Variants in SEMA6D observed in about 807,000 individuals in gnomAD.
SEMA6D encodes the protein semaphorin 6D.
A neutral mutation model predicts 106.6 loss-of-function variants in SEMA6D; 35 were observed. That is an observed-to-expected ratio of 0.33 (90% CI 0.25 to 0.44). SEMA6D has a LOEUF of 0.44. Ranked by LOEUF, SEMA6D falls within the 20% of genes least tolerant of loss-of-function variation. SEMA6D has a pLI of 1.00. For synonymous variants in SEMA6D, 499 were observed against 487.7 expected, an observed-to-expected ratio of 1.02 and a Z score of -0.31; for missense variants, 1,185 against 1,345.9, an observed-to-expected ratio of 0.88 and a Z score of 1.87.
At chr15:47,441,911 C>G (rs2041894973) in intron 2 of SEMA6D, among the ~76,000 whole-genome samples, 1 of 151,892 alleles carries the variant, frequency 6.6e-6, no homozygotes, top group Non-Finnish European at 1.5e-5. Flanking sequence ...CCTCAAATTC[C>G]TTAGTTCATT....
At chr15:47,249,225 C>G (rs754025122) in intron 1 of SEMA6D, among the ~76,000 whole-genome samples, 1 of 152,072 alleles carries the variant, frequency 6.6e-6, no homozygotes, top group Non-Finnish European at 1.5e-5. Flanking sequence ...GAGACTCCGT[C>G]TCAAAAACAA....
intron 3 of SEMA6D, among the ~76,000 whole-genome samples, chr15:47,491,584 C>T (rs2043478282): frequency 6.6e-6 from 1 of 152,052 alleles, no homozygotes; most frequent in Admixed American, 6.6e-5. Flanking sequence ...GCAAGGTGCT[C>T]ATTAATGTAA....
chr15:47,769,173 A>T (rs538807112), intron 18 of SEMA6D, among the ~76,000 whole-genome samples: 65 of 152,328 alleles, frequency 4.3e-4, no homozygotes, highest in African/African-American at 1.5e-3. Context: ...TCTGAAAAGG[A>T]TATGTGAGAT....
chr15:47,614,404 T>C (rs1304621846), intron 4 of SEMA6D, among the ~76,000 whole-genome samples: 1 of 152,234 alleles, frequency 6.6e-6, no homozygotes, highest in Non-Finnish European at 1.5e-5. Context: ...TTGTATCAAG[T>C]GCCAAACTCC....
intron 4 of SEMA6D, among the ~76,000 whole-genome samples, chr15:47,603,705 C>A (rs1435757): frequency 0.42 from 63,102 of 150,588 alleles, 14,781 homozygotes; most frequent in South Asian, 0.53. Flanking sequence ...AATTATTATT[C>A]TTATTAAGTC....
intron 8 of SEMA6D, among the ~76,000 whole-genome samples, chr15:47,762,813 G>A (rs901700502): frequency 6.6e-6 from 1 of 152,144 alleles, no homozygotes; most frequent in Non-Finnish European, 1.5e-5. Context: ...TCTTTTTACA[G>A]TCCATTAGCT....
intron 3 of SEMA6D, among the ~76,000 whole-genome samples, chr15:47,535,768 G>A (rs1370736363): frequency 2.6e-5 from 4 of 151,974 alleles, no homozygotes; most frequent in Non-Finnish European, 4.4e-5. Flanking sequence ...TGAGAGATGC[G>A]GGCAGGGAAA....
rs1312132355 is a variant in SEMA6D, at chr15:47,445,537, A to G, written c.-158-24937A>G. On this transcript the variant is annotated intron_variant, in intron 2 of 19. Coordinates refer to the SEMA6D transcript ENST00000558014. Reference sequence around the variant, plus strand: ...TACCTACATCTGTTTCACACTGATAATTATGGTGTATATCAGTTTGAACTC... The same window carrying G: ...TACCTACATCTGTTTCACACTGATAGTTATGGTGTATATCAGTTTGAACTC... Among the ~76,000 whole-genome samples, 5 of 152,170 alleles carry G rather than the reference A, an allele frequency of 3.3e-5. No homozygotes were observed. The East Asian group carries it at 5.8e-4, about 18-fold the overall frequency.
At chr15:47,418,692 G>T (rs1223461520) in intron 2 of SEMA6D, among the ~76,000 whole-genome samples, 1 of 151,994 alleles carries the variant, frequency 6.6e-6, no homozygotes, top group Non-Finnish European at 1.5e-5. Context: ...AGAAACTCAG[G>T]GTGGGTAGGG....
chr15:47,567,658 T>C (rs990163727), intron 3 of SEMA6D, among the ~76,000 whole-genome samples: 10 of 152,186 alleles, frequency 6.6e-5, no homozygotes, highest in African/African-American at 2.2e-4. Flanking sequence ...TCCTTCAATT[T>C]GTATTTCCTT....
At chr15:47,413,948 T>G (rs1595936745) in intron 2 of SEMA6D, among the ~76,000 whole-genome samples, 1 of 152,348 alleles carries the variant, frequency 6.6e-6, no homozygotes, top group Non-Finnish European at 1.5e-5. Context: ...ATTTTGGAAA[T>G]TCAGCATTCA....
chr15:47,759,781 A>T lies in SEMA6D; in HGVS notation c.-18A>T, dbSNP rs1423909740. On this transcript the variant is annotated 5_prime_UTR_variant, in exon 2 of 19. Coordinates refer to ENST00000536845, the MANE Select transcript of SEMA6D (RefSeq NM_001358351.3). The stretch of plus-strand genomic sequence containing the variant: ...GCATTTCTGAGCAGGGGCCACCCTG[A>T]CTTCACCTTGGCCCACCATGAGGGT... The T allele has an allele frequency of 6.2e-7, 1 of 1,601,652 alleles. No individual in the cohort carries two copies. Among genetic ancestry groups the T allele is most frequent in the Non-Finnish European group, 8.6e-7 (1 of 1,168,886 alleles).
chr15:47,423,928 G>A (rs1299729877), intron 2 of SEMA6D, among the ~76,000 whole-genome samples: 2 of 152,000 alleles, frequency 1.3e-5, no homozygotes, highest in South Asian at 2.1e-4. Context: ...AGTTACCATT[G>A]CAACCAGGCA....
intron 3 of SEMA6D, among the ~76,000 whole-genome samples, chr15:47,511,521 C>T (rs749474388): frequency 6.6e-5 from 10 of 152,104 alleles, no homozygotes; most frequent in Non-Finnish European, 1.2e-4. Flanking sequence ...TACCCCCCTC[C>T]TGCCACATGT....
At chr15:47,452,244 T>C (rs2042215801) in intron 2 of SEMA6D, among the ~76,000 whole-genome samples, 1 of 151,832 alleles carries the variant, frequency 6.6e-6, no homozygotes, top group African/African-American at 2.4e-5. Context: ...AAGGAGCTCT[T>C]CAGTGTCCAT....
At chr15:47,590,671 GAC>G (rs890487056) in intron 3 of SEMA6D, among the ~76,000 whole-genome samples, 1 of 152,110 alleles carries the variant, frequency 6.6e-6, no homozygotes, top group African/African-American at 2.4e-5. Flanking sequence ...AGAGGAAGGA[GAC>G]ACACAGAGAG....
upstream of SEMA6D, among the ~76,000 whole-genome samples, chr15:47,716,276 C>A (rs900208254): frequency 1.3e-5 from 2 of 152,190 alleles, no homozygotes; most frequent in African/African-American, 4.8e-5. Context: ...GGAAATAGTT[C>A]TCCGGATGAG....
At chr15:47,695,114 CTTG>C (rs1473170012) in intron 4 of SEMA6D, among the ~76,000 whole-genome samples, 1 of 152,184 alleles carries the variant, frequency 6.6e-6, no homozygotes, top group Non-Finnish European at 1.5e-5. Context: ...GTGGTCCATG[CTTG>C]TTGGTGGGCC....
At chr15:47,493,830 C>G (rs2043549324) in intron 3 of SEMA6D, among the ~76,000 whole-genome samples, 1 of 152,164 alleles carries the variant, frequency 6.6e-6, no homozygotes, top group African/African-American at 2.4e-5. Context: ...TTTTGCTATT[C>G]TGCCTATCCT....
Sources: allele counts gnomAD v4.1 joint callset (sites outside exome capture counted in the v4.1 genomes callset), GRCh38; gene constraint gnomAD v4.1.1; transcripts MANE v1.5; gene names NCBI Gene and HGNC (gene_info 2026-07-23, HGNC 2026-07-21).